Variants in HS6ST3 observed in about 807,000 individuals in gnomAD.
HS6ST3 encodes heparan sulfate 6-O-sulfotransferase 3.
In HS6ST3, 12 loss-of-function variants were observed where a neutral mutation model predicts 36.7. The observed-to-expected ratio is 0.33, with a 90% confidence interval of 0.21 to 0.53. HS6ST3 has a LOEUF of 0.53. Ranked by LOEUF, HS6ST3 falls within the 20% of genes least tolerant of loss-of-function variation. The pLI, the probability that HS6ST3 is intolerant of heterozygous loss-of-function variation, is 0.95. For synonymous variants in HS6ST3, 240 were observed against 257.5 expected (o/e 0.93, Z 0.65); for missense variants, 584 against 640.9 (o/e 0.91, Z 0.96).
chr13:96,201,765 G>A (rs1039302366), intron 1 of HS6ST3, among the ~76,000 whole-genome samples: 3 of 152,056 alleles, frequency 2.0e-5, no homozygotes, highest in African/African-American at 7.2e-5. Flanking sequence ...TATTTATTAG[G>A]TACTAAGAGT....
chr13:96,400,236 G>GAC (rs763778930), intron 1 of HS6ST3, among the ~76,000 whole-genome samples: 4 of 142,910 alleles, frequency 2.8e-5, no homozygotes, highest in Non-Finnish European at 1.5e-5. Flanking sequence ...CTCACATGCA[G>GAC]ACACACACAG....
chr13:96,102,116 G>A (rs1421161635), intron 1 of HS6ST3, among the ~76,000 whole-genome samples: 1 of 152,134 alleles, frequency 6.6e-6, no homozygotes, highest in African/African-American at 2.4e-5. Flanking sequence ...CAGCTTCCTT[G>A]AGTTCCTTAT....
At chr13:96,231,316 G>C (rs1390750146) in intron 1 of HS6ST3, among the ~76,000 whole-genome samples, 1 of 152,160 alleles carries the variant, frequency 6.6e-6, no homozygotes, top group African/African-American at 2.4e-5. Context: ...TGATACTATA[G>C]TCCTGTATTA....
At chr13:96,331,977 G>C (rs185859871) in intron 1 of HS6ST3, among the ~76,000 whole-genome samples, 1 of 152,176 alleles carries the variant, frequency 6.6e-6, no homozygotes, top group Non-Finnish European at 1.5e-5. Context: ...TCTTTGACTC[G>C]GAAAGGGAAC....
chr13:96,152,802 C>G (rs924059846), intron 1 of HS6ST3, among the ~76,000 whole-genome samples: 1 of 152,140 alleles, frequency 6.6e-6, no homozygotes, highest in Non-Finnish European at 1.5e-5. Context: ...CTTTGGCAGT[C>G]AAGGTCATCC....
intron 1 of HS6ST3, among the ~76,000 whole-genome samples, chr13:96,301,770 C>G (rs1307455589): frequency 1.3e-5 from 2 of 151,534 alleles, no homozygotes; most frequent in Non-Finnish European, 2.9e-5. Context: ...ATTAGTTGGG[C>G]ACGGTGGTGG....
intron 1 of HS6ST3, among the ~76,000 whole-genome samples, chr13:96,306,355 G>T (rs1373758560): frequency 3.3e-5 from 5 of 151,930 alleles, no homozygotes. Context: ...GCCCACCTCG[G>T]CCTCCCAAAG....
At chr13:96,239,921 TG>T in intron 1 of HS6ST3, among the ~76,000 whole-genome samples, 1 of 152,282 alleles carries the variant, frequency 6.6e-6, no homozygotes, top group African/African-American at 2.4e-5. Context: ...GCATCTTTAA[TG>T]CAATAGAAAA....
At chr13:96,451,127 G>C (rs1412827359) in intron 1 of HS6ST3, among the ~76,000 whole-genome samples, 1 of 151,784 alleles carries the variant, frequency 6.6e-6, no homozygotes, top group Non-Finnish European at 1.5e-5. Context: ...AAAATTTAAT[G>C]TGTAATGTAA....
At chr13:96,225,288 C>A (rs1198756924) in intron 1 of HS6ST3, among the ~76,000 whole-genome samples, 2 of 152,312 alleles carry the variant, frequency 1.3e-5, no homozygotes, top group East Asian at 3.9e-4. Context: ...CTATAAGTCA[C>A]CTACACTAGG....
chr13:96,434,320 C>G (rs35428857), intron 1 of HS6ST3, among the ~76,000 whole-genome samples: 1 of 152,062 alleles, frequency 6.6e-6, no homozygotes, highest in Admixed American at 6.5e-5. Flanking sequence ...TAATATTAAC[C>G]TGGGGTATAA....
chr13:96,411,968 AGGTGGTATGCCT>A (rs949716570), intron 1 of HS6ST3, among the ~76,000 whole-genome samples: 17 of 152,060 alleles, frequency 1.1e-4, no homozygotes, highest in Non-Finnish European at 2.5e-4. Context: ...AAATAGAGGA[AGGTGGTATGCCT>A]GGTATTTCTT....
intron 1 of HS6ST3, among the ~76,000 whole-genome samples, chr13:96,811,987 C>G (rs1320848005): frequency 6.6e-6 from 1 of 151,946 alleles, no homozygotes; most frequent in Non-Finnish European, 1.5e-5. Flanking sequence ...TGAGGGATGC[C>G]GGGGGGTTGG....
intron 1 of HS6ST3, among the ~76,000 whole-genome samples, chr13:96,683,595 A>T (rs1331472755): frequency 6.6e-6 from 1 of 152,056 alleles, no homozygotes; most frequent in African/African-American, 2.4e-5. Flanking sequence ...ATACCAATAG[A>T]TGTTAGTTTA....
intron 1 of HS6ST3, among the ~76,000 whole-genome samples, chr13:96,353,813 T>A (rs940870562): frequency 1.2e-4 from 19 of 152,302 alleles, no homozygotes; most frequent in African/African-American, 4.6e-4. Context: ...ATTGCCAACA[T>A]ATAAAGGATT....
rs72638027 is a variant in HS6ST3 at position 96,129,668 on chromosome 13, A to G, written c.707+38099A>G. ...TTGAATTGTGTTTCCCCAAATTTATATGTTGTCCTCCTAATCCCCAGTACC... is the reference window on the plus strand; with the variant it reads ...TTGAATTGTGTTTCCCCAAATTTATGTGTTGTCCTCCTAATCCCCAGTACC... On this transcript the variant is annotated intron_variant, in intron 1 of 1. Coordinates refer to ENST00000376705, the MANE Select transcript of HS6ST3 (RefSeq NM_153456.4). Among the ~76,000 whole-genome samples, 297 of 152,324 alleles carry G rather than the reference A, an allele frequency of 1.9e-3. 3 individuals carry two copies. The highest frequency in any genetic ancestry group is 4.6e-3 in the Admixed American group (70 of 15,308).
intron 1 of HS6ST3, among the ~76,000 whole-genome samples, chr13:96,113,850 T>G (rs568221156): frequency 6.6e-6 from 1 of 152,130 alleles, no homozygotes; most frequent in African/African-American, 2.4e-5. Context: ...TTATTTATAA[T>G]GGCAAAAAGT....
At chr13:96,162,752 G>A (rs372966608) in intron 1 of HS6ST3, among the ~76,000 whole-genome samples, 15 of 152,220 alleles carry the variant, frequency 9.9e-5, no homozygotes, top group African/African-American at 3.4e-4. Flanking sequence ...AAGATGAAAG[G>A]CAACACATTT....
intron 1 of HS6ST3, among the ~76,000 whole-genome samples, chr13:96,522,032 G>C (rs1426784828): frequency 6.6e-6 from 1 of 152,292 alleles, no homozygotes; most frequent in Non-Finnish European, 1.5e-5. Context: ...ATGTGTCCCA[G>C]ATATTCTGGT....
Sources: allele counts gnomAD v4.1 joint callset (sites outside exome capture counted in the v4.1 genomes callset), GRCh38; gene constraint gnomAD v4.1.1; transcripts MANE v1.5; gene names NCBI Gene and HGNC (gene_info 2026-07-23, HGNC 2026-07-21).